JPH3: variants seen among roughly 807,000 people sequenced by gnomAD.
JPH3 encodes junctophilin-3.
A neutral mutation model predicts 59.6 loss-of-function variants in JPH3; 11 were observed. The ratio of observed to expected loss-of-function variants is 0.18; its 90% CI spans 0.12 to 0.31. The LOEUF (loss-of-function observed/expected upper bound fraction) is 0.31. JPH3 is among the 10% of genes least tolerant of loss of function. The probability of loss-of-function intolerance (pLI) is 1.00; values close to 1 mark genes in which losing one functional copy is unlikely to be tolerated. For synonymous variants in JPH3, 673 were observed against 483.6 expected, an observed-to-expected ratio of 1.39 and a Z score of -5.14; for missense variants, 1,202 against 1,105.7, an observed-to-expected ratio of 1.09 and a Z score of -1.24.
chr16:87,631,970 T>C (rs374665180), intron 1 of JPH3, among the ~76,000 whole-genome samples: 27 of 152,322 alleles, frequency 1.8e-4, no homozygotes, highest in African/African-American at 6.5e-4. Context: ...CCTGCTGCAT[T>C]TTCTGATTCC....
chr16:87,681,559 G>A (rs2033294649), intron 2 of JPH3, among the ~76,000 whole-genome samples: 1 of 141,276 alleles, frequency 7.1e-6, no homozygotes, highest in Non-Finnish European at 1.5e-5. Flanking sequence ...GAGGTCAGGT[G>A]CGCCTGGTGA....
chr16:87,607,010 G>C (rs1268038466), intron 1 of JPH3, among the ~76,000 whole-genome samples: 1 of 152,168 alleles, frequency 6.6e-6, no homozygotes, highest in Non-Finnish European at 1.5e-5. Context: ...ACTCAGGACA[G>C]CCATCCCAGA....
intron 2 of JPH3, among the ~76,000 whole-genome samples, chr16:87,649,345 C>T (rs939092731): frequency 6.6e-6 from 1 of 152,204 alleles, no homozygotes; most frequent in African/African-American, 2.4e-5. Context: ...TTTCATGACT[C>T]ATCTCCTGCC....
chr16:87,658,619 C>T (rs7500855), intron 2 of JPH3, among the ~76,000 whole-genome samples: 71,650 of 151,778 alleles, frequency 0.47, 17,258 homozygotes, highest in East Asian at 0.64. Context: ...GGCATGATGT[C>T]GTGGAGGGCA....
intron 2 of JPH3, among the ~76,000 whole-genome samples, chr16:87,675,765 C>T (rs374956236): frequency 1.3e-5 from 2 of 152,306 alleles, no homozygotes; most frequent in East Asian, 3.9e-4. Context: ...GTGCCTGCTG[C>T]CCAGGCCCTG....
intron 2 of JPH3, among the ~76,000 whole-genome samples, chr16:87,659,209 A>G (rs1488775558): frequency 1.3e-5 from 2 of 151,756 alleles, no homozygotes; most frequent in African/African-American, 4.8e-5. Flanking sequence ...TCCCCTCTCT[A>G]CTGAAAATAC....
At chr16:87,656,338 T>TG (rs2032501526) in intron 2 of JPH3, among the ~76,000 whole-genome samples, 2 of 150,260 alleles carry the variant, frequency 1.3e-5, no homozygotes, top group South Asian at 4.3e-4. Context: ...AGACGGGGGG[T>TG]GGGTTAGGAT....
chr16:87,629,287 T>G (rs1248295555), intron 1 of JPH3, among the ~76,000 whole-genome samples: 1 of 150,998 alleles, frequency 6.6e-6, no homozygotes, highest in Non-Finnish European at 1.5e-5. Context: ...AAGGTTTTTC[T>G]GTCCCCACTA....
At chr16:87,670,106 C>T (rs1193024565) in intron 2 of JPH3, among the ~76,000 whole-genome samples, 2 of 152,146 alleles carry the variant, frequency 1.3e-5, no homozygotes, top group African/African-American at 2.4e-5. Context: ...ACCCCCAAGG[C>T]CCTGACGGAG....
Position 87,617,737 on chromosome 16 carries a change from G to A in JPH3, c.382+14209G>A, listed in dbSNP as rs552516525. 3.0e-3 allele frequency among the ~76,000 whole-genome samples: 450 copies of A among 152,258 alleles called. 4 individuals carry two copies. Among genetic ancestry groups the A allele is most frequent in the Admixed American group, 8.7e-3 (133 of 15,292 alleles). ...AGAAGGAGCAGGTGCAGGTGCAGGA[G>A]CTGAGAGTCACCTGTGAAACATGCT... On this transcript the variant is annotated intron_variant, in intron 1 of 4. Coordinates refer to ENST00000284262, the MANE Select transcript of JPH3 (RefSeq NM_020655.4).
At chr16:87,625,243 C>G (rs1373752963) in intron 1 of JPH3, among the ~76,000 whole-genome samples, 1 of 152,218 alleles carries the variant, frequency 6.6e-6, no homozygotes, top group Non-Finnish European at 1.5e-5. Flanking sequence ...ATGGTGAGGT[C>G]TGCGTTTGGA....
Position 87,684,116 on chromosome 16 carries a change from C to T in JPH3, c.1161-26C>T, listed in dbSNP as rs201180463. ...CTGTCACCTGTGCCCCCTGCCCCCCCTCACGCTCCTCCCTGTCTCCCCCAG... is the reference window on the plus strand; with the variant it reads ...CTGTCACCTGTGCCCCCTGCCCCCCTTCACGCTCCTCCCTGTCTCCCCCAG... On this transcript the variant is annotated intron_variant, in intron 2 of 4. Coordinates refer to ENST00000284262, the MANE Select transcript of JPH3 (RefSeq NM_020655.4). 2.9e-5 allele frequency: 46 copies of T among 1,603,344 alleles called. 2 individuals carry two copies. In the Admixed American group the frequency reaches 3.8e-4, roughly 13 times the overall value.
At chr16:87,646,331 T>C (rs1275833776) in intron 2 of JPH3, among the ~76,000 whole-genome samples, 1 of 152,228 alleles carries the variant, frequency 6.6e-6, no homozygotes, top group African/African-American at 2.4e-5. Flanking sequence ...TTAGAGGGAA[T>C]CAAGATCGAT....
chr16:87,629,459 C>T (rs559213148), intron 1 of JPH3, among the ~76,000 whole-genome samples: 5 of 151,440 alleles, frequency 3.3e-5, no homozygotes, highest in South Asian at 2.1e-4. Context: ...AAAAGACATT[C>T]CCTTTATTTG....
chr16:87,629,862 C>T (rs751781403), intron 1 of JPH3, among the ~76,000 whole-genome samples: 8 of 151,930 alleles, frequency 5.3e-5, no homozygotes, highest in Non-Finnish European at 1.0e-4. Flanking sequence ...CCATCAATTG[C>T]GACAGATGTA....
intron 4 of JPH3, among the ~76,000 whole-genome samples, chr16:87,692,856 G>A (rs759561347): frequency 9.8e-5 from 15 of 152,320 alleles, no homozygotes; most frequent in Middle Eastern, 3.4e-3. Context: ...CCTGCTTCCC[G>A]GCCCAGAGCA....
rs1555532733 is a variant in JPH3, at chr16:87,603,008, G to T, written c.-139G>T. 1 of 1,030,982 alleles carries T rather than the reference G, an allele frequency of 9.7e-7. No individual in the cohort carries two copies. The highest frequency in any genetic ancestry group is 1.3e-6 in the Non-Finnish European group (1 of 745,144). The allele number at this position is 1,030,982 out of a possible 1,614,324, so 63.9% of individuals were successfully genotyped here. On this transcript the variant is annotated 5_prime_UTR_variant, in exon 1 of 5. Transcript: ENST00000284262. Reference sequence around the variant, plus strand: ...GCCGGCGCCGCGGCCGCCCGCGCCCGAGACCGCGCTCCGGGGCCGCGTCCT... The same window carrying T: ...GCCGGCGCCGCGGCCGCCCGCGCCCTAGACCGCGCTCCGGGGCCGCGTCCT...
At chr16:87,617,929 G>A (rs889244338) in intron 1 of JPH3, among the ~76,000 whole-genome samples, 2 of 152,076 alleles carry the variant, frequency 1.3e-5, no homozygotes, top group South Asian at 2.1e-4. Flanking sequence ...TTGGGAGACT[G>A]AGGTGGGCGG....
At chr16:87,632,074 T>G (rs976423012) in intron 1 of JPH3, among the ~76,000 whole-genome samples, 1 of 152,170 alleles carries the variant, frequency 6.6e-6, no homozygotes, top group African/African-American at 2.4e-5. Flanking sequence ...GTTCATATAT[T>G]AAAGTGAGGT....
Sources: allele counts gnomAD v4.1 joint callset (sites outside exome capture counted in the v4.1 genomes callset), GRCh38; gene constraint gnomAD v4.1.1; transcripts MANE v1.5; gene names NCBI Gene and HGNC (gene_info 2026-07-23, HGNC 2026-07-21).